Variants in POU6F2 observed in about 807,000 individuals in gnomAD.
POU6F2 encodes POU domain, class 6, transcription factor 2.
POU6F2 carries 31 observed loss-of-function variants against 71.3 expected under a neutral mutation model. That is an observed-to-expected ratio of 0.43 (90% CI 0.33 to 0.59). The LOEUF (loss-of-function observed/expected upper bound fraction) is 0.59, where lower values mean the gene tolerates loss of function less well. POU6F2 is among the 20% of genes least tolerant of loss of function. The pLI, the probability that POU6F2 is intolerant of heterozygous loss-of-function variation, is 0.04. For missense variants in POU6F2, 783 were observed against 856.8 expected (o/e 0.91, Z 1.07); for synonymous variants, 347 against 355.7 (o/e 0.98, Z 0.27).
intron 2 of POU6F2, among the ~76,000 whole-genome samples, chr7:39,172,663 C>G (rs574449937): frequency 1.9e-4 from 28 of 150,770 alleles, no homozygotes; most frequent in Non-Finnish European, 2.5e-4. Flanking sequence ...TGCTGTTGCC[C>G]AGACTGAAGT....
At chr7:39,236,973 C>T (rs575574196) in intron 4 of POU6F2, among the ~76,000 whole-genome samples, 12 of 152,208 alleles carry the variant, frequency 7.9e-5, no homozygotes, top group East Asian at 3.9e-4. Flanking sequence ...GATATAAAGA[C>T]GCTATTTTCA....
intron 2 of POU6F2, among the ~76,000 whole-genome samples, chr7:39,129,652 G>C (rs1792217263): frequency 6.6e-6 from 1 of 151,992 alleles, no homozygotes; most frequent in Non-Finnish European, 1.5e-5. Context: ...TAGATAGATA[G>C]ATAGATAGAT....
At chr7:39,260,088 C>A (rs956778992) in intron 4 of POU6F2, among the ~76,000 whole-genome samples, 7 of 151,286 alleles carry the variant, frequency 4.6e-5, no homozygotes, top group Admixed American at 1.3e-4. Flanking sequence ...ACACACCACA[C>A]GCATTCTCCA....
chr7:39,104,944 A>G (rs886199014), intron 2 of POU6F2, among the ~76,000 whole-genome samples: 7 of 152,238 alleles, frequency 4.6e-5, no homozygotes, highest in Admixed American at 6.5e-5. Context: ...TCAATGTCTT[A>G]TAGATATGTG....
intron 4 of POU6F2, among the ~76,000 whole-genome samples, chr7:39,249,024 A>AT (rs1783870054): frequency 1.3e-5 from 2 of 151,980 alleles, no homozygotes; most frequent in Non-Finnish European, 2.9e-5. Context: ...TAGCCCATGA[A>AT]TTTTTTCTTT....
chr7:39,184,795 T>C (rs1045181160), intron 2 of POU6F2, among the ~76,000 whole-genome samples: 1 of 152,218 alleles, frequency 6.6e-6, no homozygotes, highest in Non-Finnish European at 1.5e-5. Flanking sequence ...TGGTTTTCTT[T>C]TTCCCTTTGT....
At chr7:39,459,462 T>G (rs896998021) in intron 8 of POU6F2, among the ~76,000 whole-genome samples, 1 of 82,190 alleles carries the variant, frequency 1.2e-5, no homozygotes, top group Non-Finnish European at 2.6e-5. Context: ...GGTTTTGTTT[T>G]GTTTTGTTTT....
At chr7:39,449,092 C>T (rs1438877593) in intron 7 of POU6F2, among the ~76,000 whole-genome samples, 4 of 152,200 alleles carry the variant, frequency 2.6e-5, no homozygotes, top group African/African-American at 7.2e-5. Context: ...GCCTCTACTT[C>T]GCATAGCTGA....
chr7:39,328,106 A>G (rs1785553723), intron 4 of POU6F2, among the ~76,000 whole-genome samples: 1 of 152,118 alleles, frequency 6.6e-6, no homozygotes, highest in African/African-American at 2.4e-5. Flanking sequence ...TTTTTAGGAG[A>G]GATGGGGTTT....
intron 5 of POU6F2, among the ~76,000 whole-genome samples, chr7:39,360,917 G>A (rs1247125149): frequency 1.3e-5 from 2 of 152,096 alleles, no homozygotes; most frequent in Admixed American, 6.5e-5. Context: ...GGTTTTGGCC[G>A]GCTTCTTCAC....
intron 4 of POU6F2, among the ~76,000 whole-genome samples, chr7:39,278,382 C>T (rs915876651): frequency 2.0e-5 from 3 of 152,032 alleles, no homozygotes; most frequent in African/African-American, 4.8e-5. Context: ...GGGGAGTTGG[C>T]GCACCTGGTT....
At chr7:39,246,047 A>G (rs1783813330) in intron 4 of POU6F2, among the ~76,000 whole-genome samples, 1 of 152,242 alleles carries the variant, frequency 6.6e-6, no homozygotes. Context: ...ATAAATGCTC[A>G]GAGAGAAAGA....
chr7:38,990,728 C>T (rs1032216512), intron 1 of POU6F2, among the ~76,000 whole-genome samples: 5 of 152,142 alleles, frequency 3.3e-5, no homozygotes, highest in African/African-American at 1.2e-4. Flanking sequence ...TCCACACCTG[C>T]ATCCCTCCTT....
chr7:39,220,349 C>G (rs990463538), intron 4 of POU6F2, among the ~76,000 whole-genome samples: 3 of 152,210 alleles, frequency 2.0e-5, no homozygotes, highest in Non-Finnish European at 4.4e-5. Context: ...CAGTCTCTCT[C>G]TTTCTTTTGC....
intron 4 of POU6F2, among the ~76,000 whole-genome samples, chr7:39,222,822 A>C (rs1053702828): frequency 6.6e-6 from 1 of 152,182 alleles, no homozygotes; most frequent in Non-Finnish European, 1.5e-5. Flanking sequence ...TGTTTCCACT[A>C]TTTGACTATT....
intron 5 of POU6F2, among the ~76,000 whole-genome samples, chr7:39,366,301 G>A (rs754082942): frequency 3.3e-5 from 5 of 152,104 alleles, no homozygotes; most frequent in Admixed American, 6.5e-5. Flanking sequence ...TCCTCCCTGA[G>A]GAGAGAAGGG....
At chr7:39,119,955 A>T (rs532331923) in intron 2 of POU6F2, among the ~76,000 whole-genome samples, 1 of 152,328 alleles carries the variant, frequency 6.6e-6, no homozygotes, top group South Asian at 2.1e-4. Flanking sequence ...GTTGGGGAAC[A>T]CAAGGCTCTC....
chr7:39,407,977 C>T (rs1562818932), intron 6 of POU6F2, among the ~76,000 whole-genome samples: 1 of 152,224 alleles, frequency 6.6e-6, no homozygotes, highest in Non-Finnish European at 1.5e-5. Context: ...CTACAGTAAC[C>T]TTTCAATGTC....
rs1202721200 is a variant in POU6F2, at chr7:39,025,488, G to A, written c.105+47430G>A. 5.9e-5 allele frequency among the ~76,000 whole-genome samples: 9 copies of A among 152,190 alleles called. No individual in the cohort carries two copies. The South Asian group carries it at 1.2e-3, about 21-fold the overall frequency. Reference sequence around the variant, plus strand: ...TTCTTTGACAAACCTGAGAAAAACAGGCAATGGGGAAAGGATTCCCTATTT... The same window carrying A: ...TTCTTTGACAAACCTGAGAAAAACAAGCAATGGGGAAAGGATTCCCTATTT... On this transcript the variant is annotated intron_variant, in intron 1 of 9. Transcript: ENST00000518318.
Sources: allele counts gnomAD v4.1 joint callset (sites outside exome capture counted in the v4.1 genomes callset), GRCh38; gene constraint gnomAD v4.1.1; transcripts MANE v1.5; gene names NCBI Gene and HGNC (gene_info 2026-07-23, HGNC 2026-07-21).